GALNT15: variants seen among roughly 807,000 people sequenced by gnomAD.
GALNT15 encodes the protein polypeptide N-acetylgalactosaminyltransferase 15.
GALNT15 carries 67 observed loss-of-function variants against 66.8 expected under a neutral mutation model. The ratio of observed to expected loss-of-function variants is 1.00; its 90% CI spans 0.82 to 1.23. The LOEUF is 1.23. GALNT15 is among the 50% of genes most tolerant of loss of function. The pLI is 0.00. For synonymous variants in GALNT15, 313 were observed against 311.5 expected, an observed-to-expected ratio of 1.00 and a Z score of -0.05; for missense variants, 827 against 804.3, an observed-to-expected ratio of 1.03 and a Z score of -0.34.
the GALNT15 span, among the ~76,000 whole-genome samples, chr3:16,243,352 G>T: frequency 6.6e-6 from 1 of 152,222 alleles, no homozygotes; most frequent in African/African-American, 2.4e-5. Flanking sequence ...TGCAATAAGA[G>T]CCAACCAACA....
At chr3:16,240,939 A>G in the GALNT15 span, among the ~76,000 whole-genome samples, 3 of 152,106 alleles carry the variant, frequency 2.0e-5, no homozygotes, top group East Asian at 1.9e-4. Context: ...GTAGTTCCCA[A>G]TACAACACCC....
chr3:16,197,132 C>T (rs982325933), intron 2 of GALNT15, among the ~76,000 whole-genome samples: 2 of 152,200 alleles, frequency 1.3e-5, no homozygotes, highest in African/African-American at 4.8e-5. Context: ...GCGGGGTCCG[C>T]CCAAGAGCAC....
At chr3:16,190,376 C>T (rs1159049873) in intron 1 of GALNT15, among the ~76,000 whole-genome samples, 6 of 152,166 alleles carry the variant, frequency 3.9e-5, no homozygotes, top group South Asian at 2.1e-4. Flanking sequence ...TGGTGGCTGA[C>T]GCCTGTAATC....
chr3:16,179,538 G>C (rs569229424), intron 1 of GALNT15, among the ~76,000 whole-genome samples: 1 of 152,314 alleles, frequency 6.6e-6, no homozygotes, highest in East Asian at 1.9e-4. Context: ...CACAGGGCAG[G>C]AGGAGCTGGG....
At position 16,225,480 on chromosome 3, in the gene GALNT15, A is replaced by G. The variant is rs1171931325; in HGVS notation, c.1774-1874A>G. Among the ~76,000 whole-genome samples, 1 of 152,184 alleles carries G rather than the reference A, an allele frequency of 6.6e-6. No individual in the cohort carries two copies. The highest frequency in any genetic ancestry group is 1.5e-5 in the Non-Finnish European group (1 of 68,028). Reference sequence around the variant, plus strand: ...GGGAGGCCGAGGCAGGTGGATCACGAGGTCAGGAGGCTGAGACCAGCCTGG... The same window carrying G: ...GGGAGGCCGAGGCAGGTGGATCACGGGGTCAGGAGGCTGAGACCAGCCTGG... On this transcript the variant is annotated intron_variant, in intron 9 of 9. Transcript: ENST00000339732. This position sits in a 1 kb window ranked among gnomAD's most constrained non-coding sequence, Gnocchi z 4.4.
rs913214860 is a variant in GALNT15 at position 16,200,042 on chromosome 3, G to C, written c.707-577G>C. Among the ~76,000 whole-genome samples the C allele has an allele frequency of 6.6e-6, 1 of 152,166 alleles. No individual in the cohort carries two copies. Among genetic ancestry groups the C allele is most frequent in the African/African-American group, 2.4e-5 (1 of 41,426 alleles). On this transcript the variant is annotated intron_variant, in intron 2 of 9. Coordinates refer to ENST00000339732, the MANE Select transcript of GALNT15 (RefSeq NM_054110.5). This position sits in a 1 kb window ranked among gnomAD's most constrained non-coding sequence, Gnocchi z 4.4. ...TTTAATTGACTCACAGTTTCGCATG[G>C]CTGGGGAGGCCTCAGGAAACTTACA...
the GALNT15 span, among the ~76,000 whole-genome samples, chr3:16,241,143 G>T: frequency 6.6e-6 from 1 of 152,202 alleles, no homozygotes; most frequent in South Asian, 2.1e-4. This position sits in a 1 kb window ranked among gnomAD's most constrained non-coding sequence, Gnocchi z 4.6. Context: ...TCTTAACATG[G>T]ACCACTTTGT....
At chr3:16,205,889 A>G (rs1219539123) in intron 3 of GALNT15, among the ~76,000 whole-genome samples, 1 of 152,176 alleles carries the variant, frequency 6.6e-6, no homozygotes, top group Admixed American at 6.5e-5. Flanking sequence ...TCACTCTTGT[A>G]TACAGTTAAA....
Position 16,219,433 on chromosome 3 carries a change from C to A in GALNT15, c.1423C>A (p.Gln475Lys). The change falls in exon 7 of 10, where the codon CAG becomes AAG. Residue 475 changes from glutamine (Q) to lysine (K), a missense_variant. Physicochemically the swap from Gln to Lys is moderately conservative, Grantham distance 53 (BLOSUM62 1). Transcript: ENST00000339732. This position sits in a 1 kb window ranked among gnomAD's most constrained non-coding sequence, Gnocchi z 4.3. ...AEKPDCMERL[Q>K]LQRRLGCRTF... ...GAAGCCAGACTGCATGGAACGCTTG[C>A]AGCTGCAAAGGAGACTGGGTTGTCG... The A allele has an allele frequency of 6.2e-7, 1 of 1,614,206 alleles. No individual in the cohort carries two copies. Among genetic ancestry groups the A allele is most frequent in the Non-Finnish European group, 8.5e-7 (1 of 1,180,030 alleles).
downstream of GALNT15, among the ~76,000 whole-genome samples, chr3:16,233,088 A>G (rs1028367732): frequency 5.0e-5 from 3 of 60,326 alleles, no homozygotes; most frequent in Admixed American, 1.6e-4. Flanking sequence ...TTACAGGATA[A>G]TGCATCTTTT....
rs570908905 is a variant in GALNT15 at position 16,187,876 on chromosome 3, C to A, written c.540-7884C>A. 6.6e-6 allele frequency among the ~76,000 whole-genome samples: 1 copy of A among 152,286 alleles called. No individual in the cohort carries two copies. Among genetic ancestry groups the A allele is most frequent in the East Asian group, 1.9e-4 (1 of 5,186 alleles). On this transcript the variant is annotated intron_variant, in intron 1 of 9. Transcript: ENST00000339732. This position sits in a 1 kb window ranked among gnomAD's most constrained non-coding sequence, Gnocchi z 5.1. ...GGCTATGATAAATATTAATAAGACA[C>A]CTGCATCACAGGTGCTACCCTATTC...
At chr3:16,233,092 A>ATGT (rs771943641), downstream of GALNT15, among the ~76,000 whole-genome samples, 6 of 48,074 alleles carry the variant, frequency 1.2e-4, no homozygotes, top group African/African-American at 2.6e-4. Flanking sequence ...AGGATAATGC[A>ATGT]TCTTTTTTTT....
rs1340786540 is a variant in GALNT15, at chr3:16,219,975, C to T, written c.1590C>T (p.Pro530=). 2 of 1,614,184 alleles carry T rather than the reference C, an allele frequency of 1.2e-6. No individual in the cohort carries two copies. The highest frequency in any genetic ancestry group is 1.3e-5 in the African/African-American group (1 of 75,054). Residue 530 remains proline (P), a synonymous_variant, in exon 8 of 10, where the codon CCC becomes CCT. Coordinates refer to ENST00000339732, the MANE Select transcript of GALNT15 (RefSeq NM_054110.5). This position sits in a 1 kb window ranked among gnomAD's most constrained non-coding sequence, Gnocchi z 4.3. ...CAGAAGGGGACATCCTGGGCTGTCCCATGGTGTTGGCTCCTTGCAGTGACA... is the reference window on the plus strand; with the variant it reads ...CAGAAGGGGACATCCTGGGCTGTCCTATGGTGTTGGCTCCTTGCAGTGACA... ...CQAEGDILGC[P]MVLAPCSDSR... is the part of the protein sequence containing the mutation.
At chr3:16,218,453 T>G (rs570875055) in intron 6 of GALNT15, among the ~76,000 whole-genome samples, 4 of 152,308 alleles carry the variant, frequency 2.6e-5, no homozygotes, top group Admixed American at 2.6e-4. Context: ...TACAGTTCTT[T>G]GTATCATCAA....
At position 16,204,331 on chromosome 3, in the gene GALNT15, T is replaced by C. The variant is rs2063735176; in HGVS notation, c.911+3508T>C. 6.6e-6 allele frequency among the ~76,000 whole-genome samples: 1 copy of C among 152,232 alleles called. No individual in the cohort carries two copies. Among genetic ancestry groups the C allele is most frequent in the South Asian group, 2.1e-4 (1 of 4,832 alleles). ...ATTTTATTAGAATAAGACATCTTAA[T>C]GCCAACTGTCAGCAAGTTGTTGAAA... On this transcript the variant is annotated intron_variant, in intron 3 of 9. Coordinates refer to ENST00000339732, the MANE Select transcript of GALNT15 (RefSeq NM_054110.5). This position sits in a 1 kb window ranked among gnomAD's most constrained non-coding sequence, Gnocchi z 4.5.
In GALNT15 at chr3:16,203,578, C is replaced by A. The variant is rs962876725; in HGVS notation, c.911+2755C>A. On this transcript the variant is annotated intron_variant, in intron 3 of 9. Transcript: ENST00000339732. This position sits in a 1 kb window ranked among gnomAD's most constrained non-coding sequence, Gnocchi z 6.2. ...ACACACACACACACACACACACACA[C>A]ACACACACACAGTGGGCCTCTGATC... Among the ~76,000 whole-genome samples the A allele has an allele frequency of 4.7e-5, 7 of 149,662 alleles. No homozygotes were observed. Among genetic ancestry groups the A allele is most frequent in the Middle Eastern group, 3.4e-3 (1 of 292 alleles).
intron 5 of GALNT15, among the ~76,000 whole-genome samples, chr3:16,212,049 A>C (rs570123972): frequency 6.6e-6 from 1 of 152,296 alleles, no homozygotes; most frequent in African/African-American, 2.4e-5. Context: ...CTTCCTGCCG[A>C]ATGAACTCCA....
chr3:16,233,824 G>A (rs973078317), downstream of GALNT15, among the ~76,000 whole-genome samples: 7 of 152,298 alleles, frequency 4.6e-5, no homozygotes, highest in Middle Eastern at 3.4e-3. Flanking sequence ...CAGTGGCAGC[G>A]CTTCTCCTGA....
At chr3:16,210,814 A>G (rs1370294240) in intron 4 of GALNT15, among the ~76,000 whole-genome samples, 1 of 152,156 alleles carries the variant, frequency 6.6e-6, no homozygotes, top group African/African-American at 2.4e-5. Flanking sequence ...CTTCCCAAAC[A>G]TCTTTCCAGA....
Sources: allele counts gnomAD v4.1 joint callset (sites outside exome capture counted in the v4.1 genomes callset), GRCh38; gene constraint gnomAD v4.1.1; non-coding constraint Gnocchi (gnomAD v3.1); transcripts MANE v1.5; gene names NCBI Gene and HGNC (gene_info 2026-07-23, HGNC 2026-07-21).